The following CLPTM1L variants were observed in gnomAD, a reference collection of about 807,000 sequenced individuals.
CLPTM1L encodes the protein CLPTM1 like, also known as lipid scramblase CLPTM1L.
Under a neutral mutation model 70.9 loss-of-function variants are expected in CLPTM1L, and 38 were observed. That is an observed-to-expected ratio of 0.54 (90% CI 0.41 to 0.70). The LOEUF (loss-of-function observed/expected upper bound fraction) is 0.70, where lower values mean the gene tolerates loss of function less well. Among genes scored for constraint, CLPTM1L ranks in the 30% least tolerant of loss-of-function variants. CLPTM1L has a pLI of 0.00. For synonymous variants in CLPTM1L, 339 were observed against 299.9 expected (o/e 1.13, Z -1.35); for missense variants, 652 against 705.9 (o/e 0.92, Z 0.87).
intron 12 of CLPTM1L, among the ~76,000 whole-genome samples, chr5:1,323,356 G>C (rs1047514041): frequency 3.2e-5 from 4 of 126,476 alleles, no homozygotes; most frequent in Admixed American, 1.6e-4. Context: ...GGGGGCTCCG[G>C]GATCCCTCTT....
intron 10 of CLPTM1L, 164 bp downstream of exon 10, chr5:1,325,587 G>C (rs1171404694): frequency 1.5e-6 from 1 of 661,696 alleles, no homozygotes; most frequent in African/African-American, 1.8e-5. Flanking sequence ...CTCAGGCGAA[G>C]AGAGTGGCTG....
In CLPTM1L at chr5:1,344,558, G is replaced by A. The variant is rs539375759; in HGVS notation, c.163-107C>T. 18 of 1,445,074 alleles carry A rather than the reference G, an allele frequency of 1.2e-5. No individual in the cohort carries two copies. The East Asian group carries it at 3.6e-4, about 29-fold the overall frequency. The allele number at this position is 1,445,074 out of a possible 1,614,324, so 89.5% of individuals were successfully genotyped here. On this transcript the variant is annotated intron_variant, in intron 1 of 16. Transcript: ENST00000320895. The stretch of plus-strand genomic sequence containing the variant: ...GAAGACCTGGCCGCTGGGGAACCAG[G>A]AAAGGTTCCATCTCGACTCGCGCGG...
chr5:1,318,212 A>G lies in CLPTM1L; in HGVS notation c.*157T>C. 1 of 635,750 alleles carries G rather than the reference A, an allele frequency of 1.6e-6. No individual in the cohort carries two copies. Among genetic ancestry groups the G allele is most frequent in the Non-Finnish European group, 2.8e-6 (1 of 360,398 alleles). The allele number at this position is 635,750 out of a possible 1,614,324, so 39.4% of individuals were successfully genotyped here. A position where few individuals can be genotyped will look rare whatever the true frequency, so the allele number is the denominator to read the frequency against. ...GGGCATCGTAAGCGCTACCAGCTCC[A>G]AATCTGACGTGATGGGAACTTGGGA... On this transcript the variant is annotated 3_prime_UTR_variant, in exon 17 of 17. Transcript: ENST00000320895. This position sits in a 1 kb window ranked among gnomAD's most constrained non-coding sequence, Gnocchi z 8.9.
intron 13 of CLPTM1L, among the ~76,000 whole-genome samples, chr5:1,322,047 CTATT>C (rs1312544715): frequency 6.6e-6 from 1 of 152,240 alleles, no homozygotes; most frequent in South Asian, 2.1e-4. Flanking sequence ...CAAAGCTCTT[CTATT>C]TATTAATCAG....
At chr5:1,327,572 G>GACATTCCATCCAGCTCCTCCTCTACAGAC (rs1752694700) in intron 9 of CLPTM1L, among the ~76,000 whole-genome samples, 6 of 96,076 alleles carry the variant, frequency 6.2e-5, no homozygotes, top group Non-Finnish European at 4.2e-5. Flanking sequence ...GCTCTACAGG[G>GACATTCCATCCAGCTCCTCCTCTACAGAC]ACATTCCATC....
At chr5:1,330,188 CAGA>C (rs1752990337) in intron 9 of CLPTM1L, 89 bp downstream of exon 9, 1 of 1,017,844 alleles carries the variant, frequency 9.8e-7, no homozygotes, top group Non-Finnish European at 1.5e-6. Flanking sequence ...CAGGCTTCCA[CAGA>C]AGGTCTCAGG....
chr5:1,321,621 G>C lies in CLPTM1L; in HGVS notation c.1416+14C>G. 6.2e-7 allele frequency: 1 copy of C among 1,612,376 alleles called. No individual in the cohort carries two copies. Among genetic ancestry groups the C allele is most frequent in the Non-Finnish European group, 8.5e-7 (1 of 1,178,674 alleles). ...CTCAGTGAGAAGGGATTCCTCACCG[G>C]CTGTCACACTCACCTTGTAGGTGAA... is the stretch of plus-strand genomic sequence containing the variant. On this transcript the variant is annotated intron_variant, in intron 15 of 16. Coordinates refer to ENST00000320895, the MANE Select transcript of CLPTM1L (RefSeq NM_030782.5).
At chr5:1,325,528 T>G (rs546188822) in intron 10 of CLPTM1L, 70 of 553,612 alleles carry the variant, frequency 1.3e-4, no homozygotes, top group African/African-American at 1.1e-3. Flanking sequence ...CCAGAAGTGC[T>G]GCCGTCTGCA....
At chr5:1,327,291 T>TCCAGCTCCTCCTCTACAGGGACATTCCAC in intron 9 of CLPTM1L, among the ~76,000 whole-genome samples, 1 of 145,262 alleles carries the variant, frequency 6.9e-6, no homozygotes, top group Non-Finnish European at 1.5e-5. Context: ...GGACATTTCA[T>TCCAGCTCCTCCTCTACAGGGACATTCCAC]CCAGCTCCTC....
chr5:1,334,156 G>A, intron 7 of CLPTM1L, 133 bp downstream of exon 7: 1 of 604,934 alleles, frequency 1.7e-6, no homozygotes, highest in Non-Finnish European at 2.9e-6. Flanking sequence ...GCTGCTGAGT[G>A]ATGGGAGTGG....
At chr5:1,325,498 TCCCAGAGGCCGGCTCAGG>T in intron 10 of CLPTM1L, 1 of 531,182 alleles carries the variant, frequency 1.9e-6, no homozygotes. Flanking sequence ...GCATCCTTCC[TCCCAGAGGCCGGCTCAGG>T]CCCAGAAGTG....
At chr5:1,344,328 G>A (rs760947354) in intron 2 of CLPTM1L, 23 bp downstream of exon 2, 1 of 1,469,264 alleles carries the variant, frequency 6.8e-7, no homozygotes, top group African/African-American at 1.4e-5. Flanking sequence ...CCCTTTCACT[G>A]GCATTTTGTC....
At chr5:1,323,681 C>G (rs1209765998) in intron 12 of CLPTM1L, 106 bp downstream of exon 12, 1 of 881,822 alleles carries the variant, frequency 1.1e-6, no homozygotes. Flanking sequence ...GGCCCAAGTG[C>G]CCCGGCCCCG....
At chr5:1,334,481 CA>C in intron 6 of CLPTM1L, 98 bp from the exon 7 acceptor site, 1 of 832,972 alleles carries the variant, frequency 1.2e-6, no homozygotes, top group Non-Finnish European at 1.9e-6. Context: ...AGGCCGGGCG[CA>C]GTGGCTCATG....
At chr5:1,324,662 T>C in intron 11 of CLPTM1L, 101 bp downstream of exon 11, 1 of 1,191,084 alleles carries the variant, frequency 8.4e-7, no homozygotes, top group Non-Finnish European at 1.3e-6. Context: ...TGACCCGTAC[T>C]CCAAGGAGAC....
At chr5:1,320,588 A>C in intron 16 of CLPTM1L, 28 bp downstream of exon 16, 6 of 1,295,424 alleles carry the variant, frequency 4.6e-6, no homozygotes, top group Non-Finnish European at 5.3e-6. Context: ...AGACGGAGCA[A>C]CGGCCGAGCA....
At chr5:1,327,428 A>G (rs1752677093) in intron 9 of CLPTM1L, among the ~76,000 whole-genome samples, 2 of 145,026 alleles carry the variant, frequency 1.4e-5, no homozygotes, top group African/African-American at 2.6e-5. Flanking sequence ...CTCTACAGAC[A>G]TATTTCATCC....
In CLPTM1L at chr5:1,327,601, C is replaced by G. The variant is rs553815396; in HGVS notation, c.1081-1785G>C. ...TTCCATCCAGCTCCTCCTCTACAGA[C>G]ACATTTCATCCAGCTCCTCCTCTAC... On this transcript the variant is annotated intron_variant, in intron 9 of 16. Coordinates refer to ENST00000320895, the MANE Select transcript of CLPTM1L (RefSeq NM_030782.5). Among the ~76,000 whole-genome samples the G allele has an allele frequency of 1.8e-4, 26 of 148,278 alleles. 1 individual carries two copies. In the East Asian group the frequency reaches 2.7e-3, roughly 15 times the overall value.
intron 2 of CLPTM1L, among the ~76,000 whole-genome samples, chr5:1,343,640 C>CTAA (rs1754089109): frequency 1.3e-5 from 2 of 152,212 alleles, no homozygotes; most frequent in Non-Finnish European, 2.9e-5. Context: ...GGCTTGAGGT[C>CTAA]ACAGGCCTAA....
Sources: gnomAD v4.1 joint callset for allele counts (sites outside exome capture counted in the v4.1 genomes callset) on GRCh38, gnomAD v4.1.1 for gene constraint, Gnocchi (gnomAD v3.1) non-coding constraint, MANE v1.5 for transcripts, NCBI Gene and HGNC (gene_info 2026-07-23, HGNC 2026-07-21) for gene names.